The following ZBTB20 variants were observed in gnomAD, a reference collection of about 807,000 sequenced individuals.
The protein encoded by ZBTB20 is zinc finger and BTB domain containing 20.
A neutral mutation model predicts 56.9 loss-of-function variants in ZBTB20; 9 were observed. The observed-to-expected ratio is 0.16, with a 90% confidence interval of 0.10 to 0.28. The LOEUF (loss-of-function observed/expected upper bound fraction) is 0.28, where lower values mean the gene tolerates loss of function less well. Among genes scored for constraint, ZBTB20 ranks in the 10% least tolerant of loss-of-function variants. The pLI, the probability that ZBTB20 is intolerant of heterozygous loss-of-function variation, is 1.00. For missense variants in ZBTB20, 655 were observed against 1,003.0 expected (o/e 0.65, Z 4.69); for synonymous variants, 417 against 420.7 (o/e 0.99, Z 0.11).
intron 10 of ZBTB20, among the ~76,000 whole-genome samples, chr3:114,361,396 G>T (rs1174886979): frequency 2.0e-5 from 3 of 152,008 alleles, no homozygotes; most frequent in Non-Finnish European, 4.4e-5. Context: ...ACTTTTCTTG[G>T]TTTCCACTGG....
At chr3:114,786,254 T>C (rs967156059) in intron 5 of ZBTB20, among the ~76,000 whole-genome samples, 10 of 152,234 alleles carry the variant, frequency 6.6e-5, no homozygotes, top group Admixed American at 6.6e-4. Flanking sequence ...CAACCTGTCA[T>C]CTACATCAGG....
At chr3:114,676,775 T>A (rs1370129863) in intron 6 of ZBTB20, among the ~76,000 whole-genome samples, 1 of 144,426 alleles carries the variant, frequency 6.9e-6, no homozygotes, top group East Asian at 1.9e-4. Flanking sequence ...TAGGGGATTT[T>A]TTTTTTTTTT....
rs75146412 is a variant in ZBTB20 at position 114,356,641 on chromosome 3, G to A, written c.200-4763C>T. Among the ~76,000 whole-genome samples the A allele has an allele frequency of 7.0e-3, 1,068 of 152,214 alleles. 5 individuals carry two copies. Among genetic ancestry groups the A allele is most frequent in the African/African-American group, 0.024 (1,001 of 41,514 alleles). On this transcript the variant is annotated intron_variant, in intron 10 of 11. Transcript: ENST00000675478. ...TAGTGGGTCTTGCACATGAAACAGG[G>A]TGCAGCTTGCCAAGTTAGTCACACT... is the stretch of plus-strand genomic sequence containing the variant.
At chr3:114,787,390 CACATATATAT>C (rs1470098851) in intron 5 of ZBTB20, among the ~76,000 whole-genome samples, 1 of 145,384 alleles carries the variant, frequency 6.9e-6, no homozygotes, top group Non-Finnish European at 1.5e-5. Context: ...CACACACACA[CACATATATAT>C]ACATATATAT....
rs2074898644 is a variant in ZBTB20 at position 114,849,717 on chromosome 3, G to A, written c.-416-48543C>T. ...TTTCAAAGAAAGTAGTTGTCCCTAG[G>A]TCACAGATTATATACACATGCATAG... On this transcript the variant is annotated intron_variant, in intron 4 of 11. Transcript: ENST00000675478. Among the ~76,000 whole-genome samples the A allele has an allele frequency of 2.6e-5, 4 of 151,948 alleles. No individual in the cohort carries two copies. In the South Asian group the frequency reaches 6.2e-4, roughly 24 times the overall value.
intron 4 of ZBTB20, among the ~76,000 whole-genome samples, chr3:114,802,419 T>C (rs564012176): frequency 1.3e-3 from 195 of 152,008 alleles, no homozygotes; most frequent in Non-Finnish European, 2.4e-3. Context: ...TTGATGTACA[T>C]AGATTTTAAG....
chr3:114,714,940 T>TA (rs955097026), intron 5 of ZBTB20, among the ~76,000 whole-genome samples: 4 of 152,206 alleles, frequency 2.6e-5, no homozygotes, highest in Non-Finnish European at 4.4e-5. Flanking sequence ...CACACCACTA[T>TA]AAAAAATCAT....
chr3:115,100,290 G>A (rs1388146048), intron 1 of ZBTB20: 3 of 151,852 alleles, frequency 2.0e-5, no homozygotes, highest in Admixed American at 2.0e-4. Context: ...TCTTGATGTT[G>A]TGTATATACA....
At chr3:114,762,811 CATG>C (rs1388619631) in intron 5 of ZBTB20, among the ~76,000 whole-genome samples, 1 of 152,204 alleles carries the variant, frequency 6.6e-6, no homozygotes, top group Non-Finnish European at 1.5e-5. Context: ...ACTCTTTCTT[CATG>C]ATACCTGGAT....
chr3:114,414,258 A>C (rs949108282), intron 7 of ZBTB20, among the ~76,000 whole-genome samples: 13 of 152,156 alleles, frequency 8.5e-5, no homozygotes, highest in Non-Finnish European at 1.8e-4. Flanking sequence ...CTACAATAGA[A>C]GTAATATCCA....
At chr3:114,823,775 T>A (rs1046715752) in intron 4 of ZBTB20, among the ~76,000 whole-genome samples, 14 of 152,070 alleles carry the variant, frequency 9.2e-5, no homozygotes, top group African/African-American at 3.1e-4. Context: ...ACGCAACTTG[T>A]GAGGAAGAAA....
intron 4 of ZBTB20, 55 bp downstream of exon 4, chr3:114,900,249 T>C (rs140043239): frequency 2.0e-5 from 3 of 152,262 alleles, no homozygotes; most frequent in African/African-American, 4.8e-5. Context: ...AAAAATATTA[T>C]AACTTGTTAG....
intron 5 of ZBTB20, 36 bp from the exon 6 acceptor site, chr3:114,693,611 T>G (rs1481150608): frequency 1.3e-5 from 2 of 152,114 alleles, no homozygotes; most frequent in East Asian, 3.8e-4. Context: ...TGCTAGGTAT[T>G]TATTTTAATA....
chr3:114,468,630 C>G (rs72952521), intron 7 of ZBTB20, among the ~76,000 whole-genome samples: 8,866 of 152,138 alleles, frequency 0.058, 856 homozygotes, highest in African/African-American at 0.2. Flanking sequence ...AAACAATCAC[C>G]TATTTTTGGA....
At chr3:114,921,881 T>A (rs2075974409) in intron 3 of ZBTB20, among the ~76,000 whole-genome samples, 1 of 152,052 alleles carries the variant, frequency 6.6e-6, no homozygotes, top group Non-Finnish European at 1.5e-5. Context: ...CACATATATA[T>A]ATATAAAGAG....
chr3:115,122,265 A>G (rs1353218604), intron 1 of ZBTB20, among the ~76,000 whole-genome samples: 1 of 152,082 alleles, frequency 6.6e-6, no homozygotes, highest in Admixed American at 6.5e-5. Context: ...AACTGAAATA[A>G]CTAGTGAGGC....
chr3:114,452,282 T>A (rs956531617), intron 7 of ZBTB20, among the ~76,000 whole-genome samples: 1 of 152,138 alleles, frequency 6.6e-6, no homozygotes, highest in Non-Finnish European at 1.5e-5. Context: ...ATTTTTCTCC[T>A]TAAGCACTAT....
chr3:114,839,836 T>C (rs1022693690), intron 4 of ZBTB20, among the ~76,000 whole-genome samples: 2 of 152,214 alleles, frequency 1.3e-5, no homozygotes, highest in African/African-American at 2.4e-5. Context: ...AAGGAACCTC[T>C]GGAGCCACCA....
intron 1 of ZBTB20, among the ~76,000 whole-genome samples, chr3:115,098,059 A>G (rs2083443034): frequency 6.6e-6 from 1 of 152,180 alleles, no homozygotes; most frequent in Admixed American, 6.5e-5. Context: ...GTTAAAGGAA[A>G]TTTTCATTTT....
Sources: allele counts gnomAD v4.1 joint callset (sites outside exome capture counted in the v4.1 genomes callset), GRCh38; gene constraint gnomAD v4.1.1; transcripts MANE v1.5; gene names NCBI Gene and HGNC (gene_info 2026-07-23, HGNC 2026-07-21).